The following CSMD1 variants were observed in gnomAD, a reference collection of about 807,000 sequenced individuals.
CSMD1 encodes CUB and sushi domain-containing protein 1.
CSMD1 carries 213 observed loss-of-function variants against 417.5 expected under a neutral mutation model. That is an observed-to-expected ratio of 0.51 (90% confidence interval 0.46 to 0.57). The LOEUF (loss-of-function observed/expected upper bound fraction) is 0.57, where lower values mean the gene tolerates loss of function less well. CSMD1 is among the 20% of genes least tolerant of loss of function. The probability of loss-of-function intolerance (pLI) is 0.00; values close to 1 mark genes in which losing one functional copy is unlikely to be tolerated. For missense variants in CSMD1, 6,923 were observed against 4,529.7 expected, an observed-to-expected ratio of 1.53 and a Z score of -15.17; for synonymous variants, 2,862 against 1,736.8, an observed-to-expected ratio of 1.65 and a Z score of -16.11.
At chr8:4,946,030 G>C (rs1405562799) in intron 1 of CSMD1, among the ~76,000 whole-genome samples, 2 of 152,176 alleles carry the variant, frequency 1.3e-5, no homozygotes, top group South Asian at 4.1e-4. Flanking sequence ...GTGAACATCA[G>C]ACTTCTCCCG....
intron 6 of CSMD1, among the ~76,000 whole-genome samples, chr8:3,734,858 G>C (rs1994048): frequency 3.3e-5 from 5 of 151,968 alleles, no homozygotes; most frequent in Non-Finnish European, 7.4e-5. Flanking sequence ...TTCATCTAAT[G>C]CCGCTGATGC....
At chr8:4,353,394 G>C (rs1421367630) in intron 3 of CSMD1, among the ~76,000 whole-genome samples, 1 of 152,108 alleles carries the variant, frequency 6.6e-6, no homozygotes, top group African/African-American at 2.4e-5. Flanking sequence ...GTGTGGAACT[G>C]TGAGTCCACT....
chr8:3,512,477 G>T (rs1797116748), intron 10 of CSMD1, among the ~76,000 whole-genome samples: 2 of 151,998 alleles, frequency 1.3e-5, no homozygotes, highest in African/African-American at 2.4e-5. Flanking sequence ...TAAGGATGCT[G>T]TAAGAGGCAC....
intron 3 of CSMD1, among the ~76,000 whole-genome samples, chr8:4,114,485 T>C (rs573026211): frequency 9.8e-5 from 15 of 152,346 alleles, no homozygotes; most frequent in African/African-American, 3.1e-4. Flanking sequence ...GTTGTCTTCA[T>C]GCCAGCTAAT....
intron 3 of CSMD1, among the ~76,000 whole-genome samples, chr8:4,284,734 C>A (rs1796968096): frequency 1.3e-5 from 2 of 152,122 alleles, no homozygotes; most frequent in African/African-American, 4.8e-5. Flanking sequence ...AGGGTAACTC[C>A]ATGTGTCAGA....
At chr8:4,561,269 G>A (rs1233129931) in intron 2 of CSMD1, among the ~76,000 whole-genome samples, 2 of 152,196 alleles carry the variant, frequency 1.3e-5, no homozygotes, top group Non-Finnish European at 1.5e-5. Flanking sequence ...AGCTACCTGG[G>A]AGGCTGAGGC....
chr8:3,086,720 A>T (rs574579733), intron 49 of CSMD1, among the ~76,000 whole-genome samples: 72 of 152,368 alleles, frequency 4.7e-4, no homozygotes, highest in Non-Finnish European at 8.1e-4. Context: ...GGGCTCAAAG[A>T]ATGAGTTTTT....
chr8:2,938,393 T>C lies in CSMD1; in HGVS notation c.*192A>G, dbSNP rs1801641067. The C allele has an allele frequency of 3.8e-6, 2 of 527,380 alleles. No homozygotes were observed. Among genetic ancestry groups the C allele is most frequent in the Non-Finnish European group, 6.5e-6 (2 of 305,696 alleles). 32.7% of individuals were successfully genotyped at this position (527,380 alleles called of 1,614,324 possible). A position where few individuals can be genotyped will look rare whatever the true frequency, so the allele number is the denominator to read the frequency against. On this transcript the variant is annotated 3_prime_UTR_variant, in exon 70 of 70. Coordinates refer to ENST00000635120, the MANE Select transcript of CSMD1 (RefSeq NM_033225.6). Reference sequence around the variant, plus strand: ...AACCCACTTTTGGAATGAAAACGCATGTGTAGTTTGATCCGTAGAAGACCC... The same window carrying C: ...AACCCACTTTTGGAATGAAAACGCACGTGTAGTTTGATCCGTAGAAGACCC...
chr8:3,623,450 T>G (rs116704035), intron 7 of CSMD1, among the ~76,000 whole-genome samples: 289 of 152,282 alleles, frequency 1.9e-3, no homozygotes, highest in African/African-American at 6.8e-3. Context: ...TGACAGAGAT[T>G]AGAAACAAAT....
chr8:3,499,320 G>C lies in CSMD1; in HGVS notation c.1345-5594C>G, dbSNP rs923426351. Among the ~76,000 whole-genome samples the C allele has an allele frequency of 2.0e-5, 3 of 152,092 alleles. No homozygotes were observed. In the East Asian group the frequency reaches 5.8e-4, roughly 29 times the overall value. Reference sequence around the variant, plus strand: ...GGCTGCAGGTGTTTGTGGAAGTGTTGGTTCAGCTCTAATGCAGATGGAGAC... The same window carrying C: ...GGCTGCAGGTGTTTGTGGAAGTGTTCGTTCAGCTCTAATGCAGATGGAGAC... On this transcript the variant is annotated intron_variant, in intron 10 of 69. Transcript: ENST00000635120.
intron 3 of CSMD1, among the ~76,000 whole-genome samples, chr8:4,283,186 T>G (rs1329759736): frequency 1.3e-5 from 2 of 152,188 alleles, no homozygotes; most frequent in Non-Finnish European, 2.9e-5. Flanking sequence ...TTTACAACAT[T>G]TAAAAATTAT....
intron 49 of CSMD1, among the ~76,000 whole-genome samples, chr8:3,083,414 T>C (rs987681247): frequency 8.6e-5 from 13 of 151,316 alleles, no homozygotes; most frequent in African/African-American, 3.1e-4. Flanking sequence ...CTTTTTAAAG[T>C]ATTTCAGCCT....
At chr8:4,260,398 C>T (rs552598421) in intron 3 of CSMD1, among the ~76,000 whole-genome samples, 10 of 152,222 alleles carry the variant, frequency 6.6e-5, no homozygotes, top group Admixed American at 3.9e-4. Context: ...TTTTTGTTAA[C>T]ACTAAAAATT....
intron 3 of CSMD1, among the ~76,000 whole-genome samples, chr8:4,116,276 G>A (rs937844482): frequency 1.3e-5 from 2 of 152,192 alleles, no homozygotes; most frequent in South Asian, 2.1e-4. Context: ...TTACAAGTGT[G>A]AGCCACCGCA....
At position 4,754,803 on chromosome 8, in the gene CSMD1, C is replaced by G. The variant is rs576466933; in HGVS notation, c.86-117245G>C. The stretch of plus-strand genomic sequence containing the variant: ...AGCAGAGGTTGCAGTGAGCCGAGAT[C>G]GCACCACTGCACTCCAGCCTGGGTG... On this transcript the variant is annotated intron_variant, in intron 1 of 69. Transcript: ENST00000635120. Among the ~76,000 whole-genome samples the G allele has an allele frequency of 2.6e-5, 4 of 151,406 alleles. No homozygotes were observed. The East Asian group carries it at 5.9e-4, about 22-fold the overall frequency.
At chr8:3,211,812 A>G (rs540013553) in intron 30 of CSMD1, among the ~76,000 whole-genome samples, 67 of 152,356 alleles carry the variant, frequency 4.4e-4, no homozygotes, top group African/African-American at 1.4e-3. Flanking sequence ...GCTCACAGGC[A>G]GCTCCTGGCC....
intron 10 of CSMD1, among the ~76,000 whole-genome samples, chr8:3,499,080 C>A (rs941258109): frequency 1.3e-4 from 20 of 152,138 alleles, no homozygotes; most frequent in Non-Finnish European, 2.5e-4. Flanking sequence ...TTCTTGTGTT[C>A]CTACATTAGT....
chr8:4,850,126 C>T (rs1801380499), intron 1 of CSMD1, among the ~76,000 whole-genome samples: 1 of 152,006 alleles, frequency 6.6e-6, no homozygotes, highest in African/African-American at 2.4e-5. Flanking sequence ...CCCCTGATGC[C>T]TAATAACGTC....
Position 4,365,756 on chromosome 8 carries a change from G to A in CSMD1, c.415+54197C>T, listed in dbSNP as rs183689675. ...CTTCCAGATTTGAATAGCTGACTCC[G>A]GTGACCGAATTTATAGTCAAGTCCT... On this transcript the variant is annotated intron_variant, in intron 3 of 69. Coordinates refer to ENST00000635120, the MANE Select transcript of CSMD1 (RefSeq NM_033225.6). 1.9e-3 allele frequency among the ~76,000 whole-genome samples: 285 copies of A among 152,152 alleles called. 2 individuals carry two copies. The highest frequency in any genetic ancestry group is 6.2e-3 in the African/African-American group (258 of 41,504).
Sources: gnomAD v4.1 joint callset for allele counts (sites outside exome capture counted in the v4.1 genomes callset) on GRCh38, gnomAD v4.1.1 for gene constraint, MANE v1.5 for transcripts, NCBI Gene and HGNC (gene_info 2026-07-23, HGNC 2026-07-21) for gene names.